Variants in LCORL observed in about 807,000 individuals in gnomAD.
LCORL encodes the protein ligand-dependent nuclear receptor corepressor-like protein.
A neutral mutation model predicts 141.8 loss-of-function variants in LCORL; 41 were observed. The observed-to-expected ratio is 0.29, with a 90% CI of 0.23 to 0.38. The LOEUF is 0.38. Among genes scored for constraint, LCORL ranks in the 10% least tolerant of loss-of-function variants. The probability of loss-of-function intolerance (pLI) is 1.00; values close to 1 mark genes in which losing one functional copy is unlikely to be tolerated. For missense variants in LCORL, 1,759 were observed against 2,035.0 expected, an observed-to-expected ratio of 0.86 and a Z score of 2.61; for synonymous variants, 618 against 694.1, an observed-to-expected ratio of 0.89 and a Z score of 1.72.
chr4:17,983,284 G>A (rs564777403), intron 1 of LCORL, among the ~76,000 whole-genome samples: 4 of 152,142 alleles, frequency 2.6e-5, no homozygotes, highest in South Asian at 2.1e-4. Flanking sequence ...ACAAATAGTT[G>A]TTTCTAGTTC....
intron 7 of LCORL, among the ~76,000 whole-genome samples, chr4:17,848,848 G>A (rs1336218608): frequency 6.6e-6 from 1 of 152,194 alleles, no homozygotes; most frequent in Non-Finnish European, 1.5e-5. Context: ...TTTTCCGACG[G>A]GCTTAAAAAA....
intron 4 of LCORL, among the ~76,000 whole-genome samples, chr4:17,925,118 T>A (rs1734915883): frequency 1.3e-5 from 2 of 152,140 alleles, no homozygotes; most frequent in African/African-American, 2.4e-5. Flanking sequence ...AATTATTCCA[T>A]GAAACTGGAA....
At chr4:17,847,970 A>T (rs1723130933) in intron 7 of LCORL, among the ~76,000 whole-genome samples, 1 of 152,238 alleles carries the variant, frequency 6.6e-6, no homozygotes. Context: ...ATGGTCACAA[A>T]TAAAAACAAA....
At chr4:17,859,734 G>A (rs1724780265) in intron 7 of LCORL, among the ~76,000 whole-genome samples, 1 of 152,162 alleles carries the variant, frequency 6.6e-6, no homozygotes, top group Admixed American at 6.5e-5. Flanking sequence ...AAATGCAAAT[G>A]TATGGTTGTA....
intron 1 of LCORL, among the ~76,000 whole-genome samples, chr4:17,990,642 G>GTTTT (rs979642708): frequency 2.3e-5 from 3 of 131,350 alleles, no homozygotes; most frequent in Admixed American, 7.7e-5. Flanking sequence ...TCCCATCTTG[G>GTTTT]TTTTTTTTTT....
chr4:18,018,308 A>G (rs1035819465), intron 1 of LCORL, among the ~76,000 whole-genome samples: 3 of 152,172 alleles, frequency 2.0e-5, no homozygotes, highest in African/African-American at 7.2e-5. Flanking sequence ...ACATCCAATA[A>G]GCACTCGAAC....
At chr4:17,876,018 G>T (rs111947851) in exon 7 of LCORL, 13,696 of 1,230,980 alleles carry the variant, frequency 0.011, 88 homozygotes, top group Non-Finnish European at 0.013. Flanking sequence ...TTTTTCAGAA[G>T]GGAGAACAAC....
rs1725659900 is a variant in LCORL, at chr4:18,021,766, A to C, written c.-15T>G. Reference sequence around the variant, plus strand: ...CCCTTGTCCATCTGCGTCCCGCGTCACGCGCCCTCATTTACATACGAGCAG... The same window carrying C: ...CCCTTGTCCATCTGCGTCCCGCGTCCCGCGCCCTCATTTACATACGAGCAG... On this transcript the variant is annotated 5_prime_UTR_variant, in exon 1 of 8. Coordinates refer to ENST00000635767, the Ensembl canonical transcript of LCORL. The surrounding 1 kb of genome is among the most constrained non-coding windows in gnomAD (Gnocchi z 5.5). 3 of 1,482,146 alleles carry C rather than the reference A, an allele frequency of 2.0e-6. No homozygotes were observed. The highest frequency in any genetic ancestry group is 1.5e-5 in the African/African-American group (1 of 68,274). The allele number at this position is 1,482,146 out of a possible 1,614,324, so 91.8% of individuals were successfully genotyped here.
chr4:17,885,085 T>A (rs1193993717), intron 6 of LCORL, among the ~76,000 whole-genome samples: 1 of 151,968 alleles, frequency 6.6e-6, no homozygotes, highest in Non-Finnish European at 1.5e-5. Flanking sequence ...ATTTATACAA[T>A]TAGAGCTCCA....
intron 7 of LCORL, among the ~76,000 whole-genome samples, chr4:17,860,138 C>A (rs528915278): frequency 6.6e-6 from 1 of 152,112 alleles, no homozygotes; most frequent in East Asian, 1.9e-4. Flanking sequence ...CAACAAAGAA[C>A]GTGAATAGCC....
chr4:17,912,689 G>A (rs1244798445), intron 4 of LCORL: 2 of 393,230 alleles, frequency 5.1e-6, no homozygotes, highest in Non-Finnish European at 9.8e-6. Flanking sequence ...GGCCTGCTAT[G>A]CCCTGCAGAT....
At chr4:18,008,210 C>A (rs1288695787) in intron 1 of LCORL, among the ~76,000 whole-genome samples, 4 of 152,058 alleles carry the variant, frequency 2.6e-5, no homozygotes, top group Non-Finnish European at 5.9e-5. Context: ...AAAGCCTTGC[C>A]CACTAACTCC....
At chr4:17,946,934 A>ATGGAAAACTGGATGGAAGTTCCTC (rs1331888479) in intron 4 of LCORL, among the ~76,000 whole-genome samples, 13 of 152,032 alleles carry the variant, frequency 8.6e-5, no homozygotes, top group African/African-American at 3.1e-4. Context: ...TACAGCCATT[A>ATGGAAAACTGGATGGAAGTTCCTC]TGGAAAACTG....
intron 7 of LCORL, among the ~76,000 whole-genome samples, chr4:17,849,543 G>T (rs1450027470): frequency 1.3e-5 from 2 of 152,060 alleles, no homozygotes; most frequent in African/African-American, 4.8e-5. Context: ...CATCATCAAA[G>T]ACCAAAAGTA....
intron 4 of LCORL, among the ~76,000 whole-genome samples, chr4:17,943,075 G>A (rs551412230): frequency 6.6e-6 from 1 of 152,238 alleles, no homozygotes; most frequent in South Asian, 2.1e-4. Context: ...TGTCTTCTAC[G>A]AAACCTGTCC....
intron 7 of LCORL, chr4:17,867,057 G>C (rs1225078754): frequency 4.8e-6 from 4 of 825,984 alleles, no homozygotes; most frequent in Non-Finnish European, 5.8e-6. Flanking sequence ...TTACAAAACA[G>C]AATACAACTG....
chr4:17,886,004 TAA>T (rs1728219171), intron 6 of LCORL, 62 bp downstream of exon 6: 1 of 916,052 alleles, frequency 1.1e-6, no homozygotes, highest in Non-Finnish European at 1.7e-6. Context: ...AGAATAGTAT[TAA>T]GAGTTCTCTG....
chr4:17,851,742 T>C (rs1723746501), intron 7 of LCORL, among the ~76,000 whole-genome samples: 1 of 152,290 alleles, frequency 6.6e-6, no homozygotes, highest in Non-Finnish European at 1.5e-5. Flanking sequence ...TTTTTGATAT[T>C]ATCAAAGTGC....
chr4:17,995,518 C>T (rs1204755598), intron 1 of LCORL, among the ~76,000 whole-genome samples: 2 of 152,162 alleles, frequency 1.3e-5, no homozygotes, highest in South Asian at 2.1e-4. Flanking sequence ...TAAATAGATA[C>T]TAAAAGAGAA....
Sources: allele counts gnomAD v4.1 joint callset (sites outside exome capture counted in the v4.1 genomes callset), GRCh38; gene constraint gnomAD v4.1.1; non-coding constraint Gnocchi (gnomAD v3.1); transcripts MANE v1.5; gene names NCBI Gene and HGNC (gene_info 2026-07-23, HGNC 2026-07-21).